The following ATP2B2 variants were observed in gnomAD, a reference collection of about 807,000 sequenced individuals.
ATP2B2 encodes the protein ATPase plasma membrane Ca2+ transporting 2, also known as plasma membrane calcium-transporting ATPase 2.
In ATP2B2, 15 loss-of-function variants were observed where a neutral mutation model predicts 120.0. The ratio of observed to expected loss-of-function variants is 0.12; its 90% CI spans 0.08 to 0.19. The LOEUF (loss-of-function observed/expected upper bound fraction) is 0.19, where lower values mean the gene tolerates loss of function less well. Among genes scored for constraint, ATP2B2 ranks in the 10% least tolerant of loss-of-function variants. The probability of loss-of-function intolerance (pLI) is 1.00; values close to 1 mark genes in which losing one functional copy is unlikely to be tolerated. For missense variants in ATP2B2, 1,045 were observed against 1,719.8 expected (o/e 0.61, Z 6.94); for synonymous variants, 694 against 700.3 (o/e 0.99, Z 0.14).
intron 1 of ATP2B2, among the ~76,000 whole-genome samples, chr3:10,488,386 C>T (rs1460673999): frequency 6.6e-6 from 1 of 151,744 alleles, no homozygotes; most frequent in Non-Finnish European, 1.5e-5. Flanking sequence ...TCCACCCATC[C>T]ATCCATCCAT....
In ATP2B2 at chr3:10,346,849, G is replaced by A. The variant is rs2060446356; in HGVS notation, c.2405-712C>T. Among the ~76,000 whole-genome samples the A allele has an allele frequency of 1.3e-5, 2 of 152,092 alleles. No individual in the cohort carries two copies. The highest frequency in any genetic ancestry group is 4.8e-5 in the African/African-American group (2 of 41,392). ...GGAATTTGGGTATCAGCATCCATGG[G>A]TCTCTCATTCTGCACATTGAATGTA... On this transcript the variant is annotated intron_variant, in intron 16 of 22. Coordinates refer to ENST00000360273, the MANE Select transcript of ATP2B2 (RefSeq NM_001001331.4). The surrounding 1 kb of genome is among the most constrained non-coding windows in gnomAD (Gnocchi z 4.1).
chr3:10,572,726 T>C (rs1177037075), intron 2 of ATP2B2, among the ~76,000 whole-genome samples: 1 of 152,184 alleles, frequency 6.6e-6, no homozygotes, highest in Non-Finnish European at 1.5e-5. Context: ...CGCTCATTCA[T>C]ATTAATGGGT....
intron 2 of ATP2B2, among the ~76,000 whole-genome samples, chr3:10,579,411 G>A (rs1365670212): frequency 1.3e-5 from 2 of 152,322 alleles, no homozygotes; most frequent in South Asian, 2.1e-4. Context: ...GGTGGCTCAC[G>A]CCTGTAATCC....
At chr3:10,612,067 A>G (rs571279084) in intron 2 of ATP2B2, among the ~76,000 whole-genome samples, 1 of 152,202 alleles carries the variant, frequency 6.6e-6, no homozygotes, top group Non-Finnish European at 1.5e-5. Context: ...CTCTCCAACC[A>G]CACTCTGAGC....
intron 2 of ATP2B2, among the ~76,000 whole-genome samples, chr3:10,441,842 G>C (rs1349395610): frequency 6.6e-6 from 1 of 152,188 alleles, no homozygotes; most frequent in Non-Finnish European, 1.5e-5. Context: ...GGAGGTGGGT[G>C]TTATTATCAT....
chr3:10,553,642 G>C (rs114254891), intron 2 of ATP2B2, among the ~76,000 whole-genome samples: 3 of 147,556 alleles, frequency 2.0e-5, no homozygotes, highest in East Asian at 3.9e-4. Flanking sequence ...TTGCAGAGCT[G>C]GGGGGGAAAC....
chr3:10,462,309 C>A (rs150804938), intron 1 of ATP2B2, among the ~76,000 whole-genome samples: 1 of 152,340 alleles, frequency 6.6e-6, no homozygotes, highest in African/African-American at 2.4e-5. Context: ...ACTCTTGACT[C>A]TAATCCTTCC....
At chr3:10,392,532 C>A (rs1025041939) in intron 5 of ATP2B2, among the ~76,000 whole-genome samples, 9 of 152,242 alleles carry the variant, frequency 5.9e-5, no homozygotes, top group African/African-American at 2.2e-4. Context: ...GCGCAGTGGG[C>A]TAAACCTCTC....
intron 1 of ATP2B2, among the ~76,000 whole-genome samples, chr3:10,655,273 T>C (rs773357808): frequency 4.3e-4 from 66 of 152,184 alleles, no homozygotes; most frequent in Non-Finnish European, 8.5e-4. Flanking sequence ...CCCTCTCCTA[T>C]TGGGATTTGA....
At chr3:10,668,656 A>T (rs1011289671) in intron 1 of ATP2B2, among the ~76,000 whole-genome samples, 1 of 146,002 alleles carries the variant, frequency 6.8e-6, no homozygotes, top group Non-Finnish European at 1.5e-5. Flanking sequence ...GTACCCCCCC[A>T]CCCCTTCTGC....
At position 10,338,281 on chromosome 3, in the gene ATP2B2, C is replaced by T. The variant is rs141820572; in HGVS notation, c.3315G>A (p.Pro1105=). The part of the protein sequence containing the change: ...AGRLTQKEEI[P]EEELNEDVEE... ...CCACGTCCTCGTTGAGCTCCTCCTC[C>T]GGGATCTCCTCCTTCTGTGTGAGCC... Residue 1105 remains proline, a synonymous_variant, in exon 22 of 23, where the codon CCG becomes CCA. Transcript: ENST00000360273. The T allele has an allele frequency of 7.1e-5, 115 of 1,614,108 alleles. No homozygotes were observed. Among genetic ancestry groups the T allele is most frequent in the African/African-American group, 6.7e-4 (50 of 74,946 alleles).
intron 1 of ATP2B2, among the ~76,000 whole-genome samples, chr3:10,660,271 G>A (rs1401237249): frequency 2.0e-5 from 3 of 151,026 alleles, no homozygotes; most frequent in African/African-American, 2.4e-5. Context: ...AGGAGATAGA[G>A]ACACAAAAAA....
Position 10,342,701 on chromosome 3 carries a change from C to T in ATP2B2, c.2917+51G>A. The T allele has an allele frequency of 3.1e-6, 5 of 1,595,848 alleles. No homozygotes were observed. Among genetic ancestry groups the T allele is most frequent in the Non-Finnish European group, 3.4e-6 (4 of 1,164,564 alleles). On this transcript the variant is annotated intron_variant, in intron 19 of 22. Coordinates refer to ENST00000360273, the MANE Select transcript of ATP2B2 (RefSeq NM_001001331.4). This position sits in a 1 kb window ranked among gnomAD's most constrained non-coding sequence, Gnocchi z 4.4. ...TGCTGGGTGAGAGCCATGGTGCACC[C>T]AGAAGGTGATGACCCCGCCTGGGAG...
At chr3:10,492,442 C>A (rs1263231619) in intron 1 of ATP2B2, among the ~76,000 whole-genome samples, 1 of 152,200 alleles carries the variant, frequency 6.6e-6, no homozygotes, top group Non-Finnish European at 1.5e-5. Context: ...AAGAACGGGA[C>A]AGCTGAGTGC....
At chr3:10,572,842 G>A (rs1420052887) in intron 2 of ATP2B2, among the ~76,000 whole-genome samples, 1 of 152,166 alleles carries the variant, frequency 6.6e-6, no homozygotes, top group African/African-American at 2.4e-5. Context: ...GGCTCACAGA[G>A]GTAACCCAAG....
At chr3:10,602,234 G>A (rs2068943466) in intron 2 of ATP2B2, among the ~76,000 whole-genome samples, 1 of 152,114 alleles carries the variant, frequency 6.6e-6, no homozygotes, top group Admixed American at 6.5e-5. Flanking sequence ...GGTCTGTTCT[G>A]GAATCCCACC....
intron 1 of ATP2B2, among the ~76,000 whole-genome samples, chr3:10,475,095 G>A (rs2065153014): frequency 6.6e-6 from 1 of 152,266 alleles, no homozygotes; most frequent in South Asian, 2.1e-4. Flanking sequence ...TTAAGAGAGG[G>A]AGGAGGTGAG....
intron 2 of ATP2B2, among the ~76,000 whole-genome samples, chr3:10,588,695 C>T (rs763611916): frequency 1.4e-4 from 21 of 152,200 alleles, no homozygotes; most frequent in Non-Finnish European, 2.6e-4. Flanking sequence ...TCCTCTGGGG[C>T]TCCCTTGCTG....
chr3:10,399,853 C>T (rs79586551), intron 5 of ATP2B2, among the ~76,000 whole-genome samples: 1,967 of 152,332 alleles, frequency 0.013, 48 homozygotes, highest in African/African-American at 0.041. Flanking sequence ...ACGCCACCTC[C>T]TCCAGGGAGC....
Sources: allele counts gnomAD v4.1 joint callset (sites outside exome capture counted in the v4.1 genomes callset), GRCh38; gene constraint gnomAD v4.1.1; non-coding constraint Gnocchi (gnomAD v3.1); transcripts MANE v1.5; gene names NCBI Gene and HGNC (gene_info 2026-07-23, HGNC 2026-07-21).